The following ATL3 variants were observed in gnomAD, a reference collection of about 807,000 sequenced individuals.
ATL3 encodes the protein atlastin-3.
A neutral mutation model predicts 69.5 loss-of-function variants in ATL3; 49 were observed. That is an observed-to-expected ratio of 0.71 (90% CI 0.56 to 0.89). ATL3 has a LOEUF of 0.89. Among genes scored for constraint, ATL3 ranks in the 40% least tolerant of loss-of-function variants. The pLI, the probability that ATL3 is intolerant of heterozygous loss-of-function variation, is 0.00. For synonymous variants in ATL3, 214 were observed against 224.1 expected (o/e 0.95, Z 0.40); for missense variants, 606 against 645.7 (o/e 0.94, Z 0.67).
At chr11:63,662,512 C>G (rs1422612902) in intron 1 of ATL3, among the ~76,000 whole-genome samples, 1 of 152,214 alleles carries the variant, frequency 6.6e-6, no homozygotes. Flanking sequence ...CAAGGTCTGG[C>G]TCTATAACTC....
intron 1 of ATL3, among the ~76,000 whole-genome samples, chr11:63,663,141 C>G (rs978958829): frequency 6.6e-6 from 1 of 150,544 alleles, no homozygotes; most frequent in African/African-American, 2.4e-5. Flanking sequence ...TTTTTGGAGA[C>G]AGTATTTTGC....
At chr11:63,640,468 T>C (rs1050521998) in intron 8 of ATL3, among the ~76,000 whole-genome samples, 6 of 151,610 alleles carry the variant, frequency 4.0e-5, no homozygotes, top group African/African-American at 1.5e-4. Context: ...TTTTTTTTTT[T>C]TAGCGATGGG....
chr11:63,655,467 G>C (rs552897719), intron 3 of ATL3, among the ~76,000 whole-genome samples: 64 of 135,356 alleles, frequency 4.7e-4, no homozygotes, highest in African/African-American at 1.6e-3. Flanking sequence ...TTTTTTTTTA[G>C]ATGGAGTTTA....
chr11:63,652,104 G>T (rs923202598), intron 4 of ATL3, 118 bp from the exon 5 acceptor site: 18 of 1,456,898 alleles, frequency 1.2e-5, no homozygotes, highest in African/African-American at 1.2e-4. Context: ...AGAACATGAG[G>T]CCTGTTCAAA....
chr11:63,636,444 A>C, intron 8 of ATL3, 110 bp from the exon 9 acceptor site: 2 of 1,456,942 alleles, frequency 1.4e-6, no homozygotes, highest in Non-Finnish European at 1.9e-6. Context: ...TTGGTTGTTA[A>C]AAGTGAGAGA....
At chr11:63,647,296 C>A (rs1255659622) in intron 5 of ATL3, among the ~76,000 whole-genome samples, 1 of 152,154 alleles carries the variant, frequency 6.6e-6, no homozygotes, top group Non-Finnish European at 1.5e-5. Flanking sequence ...CGGGTTCAAG[C>A]GATTCTCCTG....
chr11:63,647,021 G>A (rs915318196), intron 5 of ATL3, among the ~76,000 whole-genome samples: 4 of 152,038 alleles, frequency 2.6e-5, no homozygotes, highest in Non-Finnish European at 5.9e-5. Flanking sequence ...GCTGCCTTAG[G>A]ACCTTCGTAC....
chr11:63,668,982 G>A (rs1184123055), intron 1 of ATL3, among the ~76,000 whole-genome samples: 2 of 135,286 alleles, frequency 1.5e-5, no homozygotes, highest in African/African-American at 2.8e-5. Context: ...GCAACACCAC[G>A]TTGGCTAACT....
At chr11:63,649,137 A>T (rs557889948) in intron 5 of ATL3, among the ~76,000 whole-genome samples, 1 of 152,320 alleles carries the variant, frequency 6.6e-6, no homozygotes, top group East Asian at 1.9e-4. Context: ...AAAAAATAAA[A>T]AAAGTACTAA....
chr11:63,646,222 C>T (rs898105021), intron 6 of ATL3, among the ~76,000 whole-genome samples: 5 of 152,134 alleles, frequency 3.3e-5, no homozygotes, highest in African/African-American at 9.7e-5. Context: ...ATTACTCTGC[C>T]GTTGTAGCAG....
intron 3 of ATL3, among the ~76,000 whole-genome samples, chr11:63,656,080 C>T (rs1042689845): frequency 2.6e-5 from 4 of 151,912 alleles, no homozygotes; most frequent in Middle Eastern, 3.4e-3. Context: ...AAAACTTAGC[C>T]GGGCGTGGTG....
intron 1 of ATL3, among the ~76,000 whole-genome samples, chr11:63,666,589 A>G (rs947417729): frequency 6.8e-6 from 1 of 147,748 alleles, no homozygotes; most frequent in Non-Finnish European, 1.5e-5. Context: ...TGGCTCATGC[A>G]TGTAATCCCA....
At chr11:63,631,817 A>G (rs1450073506) in intron 11 of ATL3, among the ~76,000 whole-genome samples, 3 of 152,120 alleles carry the variant, frequency 2.0e-5, no homozygotes, top group Non-Finnish European at 4.4e-5. Flanking sequence ...CTCCGTCTCT[A>G]CTAACACAAA....
intron 1 of ATL3, among the ~76,000 whole-genome samples, chr11:63,669,541 A>AG: frequency 1.3e-5 from 2 of 152,092 alleles, no homozygotes; most frequent in East Asian, 3.9e-4. Flanking sequence ...TCTCACCAGA[A>AG]GAAAAAAAAA....
chr11:63,645,642 G>A (rs1348880243), intron 6 of ATL3, among the ~76,000 whole-genome samples: 1 of 152,164 alleles, frequency 6.6e-6, no homozygotes, highest in South Asian at 2.1e-4. Context: ...CCAGGCTGGA[G>A]TGCAGTGGCA....
chr11:63,663,585 C>A (rs1428398547), intron 1 of ATL3, among the ~76,000 whole-genome samples: 1 of 152,220 alleles, frequency 6.6e-6, no homozygotes, highest in Non-Finnish European at 1.5e-5. Context: ...TGTGAATAAT[C>A]TCTTAGGGTT....
chr11:63,638,253 G>C (rs1411473503), intron 8 of ATL3, among the ~76,000 whole-genome samples: 1 of 152,142 alleles, frequency 6.6e-6, no homozygotes, highest in Non-Finnish European at 1.5e-5. Flanking sequence ...TGGTGTCAAA[G>C]AAGACTGTGC....
intron 3 of ATL3, among the ~76,000 whole-genome samples, chr11:63,657,208 C>CAAAAAAAAAAAAAA (rs1254213240): frequency 1.7e-5 from 1 of 59,910 alleles, no homozygotes; most frequent in African/African-American, 6.4e-5. Context: ...GACTACATCT[C>CAAAAAAAAAAAAAA]AAAAAAAAAA....
chr11:63,668,789 CCTT>C (rs1940670559), intron 1 of ATL3, among the ~76,000 whole-genome samples: 1 of 103,246 alleles, frequency 9.7e-6, no homozygotes, highest in Non-Finnish European at 2.2e-5. Flanking sequence ...TAGCTGTGTT[CCTT>C]TTTTTTTTTT....
Sources: gnomAD v4.1 joint callset for allele counts (sites outside exome capture counted in the v4.1 genomes callset) on GRCh38, gnomAD v4.1.1 for gene constraint, MANE v1.5 for transcripts, NCBI Gene and HGNC (gene_info 2026-07-23, HGNC 2026-07-21) for gene names.